SRARP: variants seen among roughly 807,000 people sequenced by gnomAD.
The protein encoded by SRARP is steroid receptor associated and regulated protein, also known as steroid receptor-associated and regulated protein.
A neutral mutation model predicts 3.6 loss-of-function variants in SRARP; 5 were observed. The ratio of observed to expected loss-of-function variants is 1.39; its 90% CI spans 0.73 to 2.93. The LOEUF (loss-of-function observed/expected upper bound fraction) is 2.93, where lower values mean the gene tolerates loss of function less well. Among genes scored for constraint, SRARP ranks in the 30% most tolerant of loss-of-function variants. The probability of loss-of-function intolerance (pLI) is 0.00; values close to 1 mark genes in which losing one functional copy is unlikely to be tolerated. For missense variants in SRARP, 215 were observed against 216.7 expected (o/e 0.99, Z 0.05); for synonymous variants, 96 against 91.6 (o/e 1.05, Z -0.27).
chr1:16,005,548 C>A (rs1276441996), intron 1 of SRARP, among the ~76,000 whole-genome samples: 2 of 152,180 alleles, frequency 1.3e-5, no homozygotes, highest in Non-Finnish European at 2.9e-5. Context: ...TCCAGTTGAA[C>A]CCTATCGAAT....
chr1:16,004,819 C>T (rs542195258), intron 1 of SRARP, among the ~76,000 whole-genome samples: 6 of 150,964 alleles, frequency 4.0e-5, no homozygotes, highest in African/African-American at 7.3e-5. Context: ...CAGCCAAGGG[C>T]GGGCTCGTTT....
At chr1:16,004,481 G>A (rs2073115813) in intron 1 of SRARP, 96 bp downstream of exon 1, 11 of 1,078,902 alleles carry the variant, frequency 1.0e-5, no homozygotes, top group South Asian at 7.1e-5. Context: ...TTGGGAGGCC[G>A]AAGCGGGCAG....
At position 16,006,356 on chromosome 1, in the gene SRARP, C is replaced by G. The variant is rs376515505; in HGVS notation, c.*10C>G. The G allele has an allele frequency of 1.9e-6, 3 of 1,568,730 alleles. No homozygotes were observed. The highest frequency in any genetic ancestry group is 2.8e-5 in the African/African-American group (2 of 71,430). ...TGGGCAGGCCGATTAGCTGGAAGGG[C>G]CGGGCTCTGATGCCCAGAGGCTGCA... On this transcript the variant is annotated 3_prime_UTR_variant, in exon 2 of 2. Transcript: ENST00000329454.
At position 16,006,540 on chromosome 1, in the gene SRARP, A is replaced by C; in HGVS notation, c.*194A>C. ...CATGAAGAGACTCATTCATTCATACAGCAAATATTACTGGTACATCTTCCA... is the reference window on the plus strand; with the variant it reads ...CATGAAGAGACTCATTCATTCATACCGCAAATATTACTGGTACATCTTCCA... On this transcript the variant is annotated 3_prime_UTR_variant, in exon 2 of 2. Transcript: ENST00000329454. 1 of 593,966 alleles carries C rather than the reference A, an allele frequency of 1.7e-6. No individual in the cohort carries two copies. 36.8% of individuals were successfully genotyped at this position (593,966 alleles called of 1,614,324 possible).
chr1:16,005,862 AG>A, intron 1 of SRARP, 56 bp from the exon 2 acceptor site: 1 of 1,456,582 alleles, frequency 6.9e-7, no homozygotes, highest in Non-Finnish European at 9.3e-7. Flanking sequence ...ACCCTGTCTC[AG>A]GGGAAAAGAA....
At chr1:16,005,464 A>C (rs774699535) in intron 1 of SRARP, among the ~76,000 whole-genome samples, 16 of 152,174 alleles carry the variant, frequency 1.1e-4, no homozygotes, top group Non-Finnish European at 2.1e-4. Context: ...TGGAGACTTG[A>C]ACTCAGGTCT....
Position 16,004,315 on chromosome 1 carries a change from A to G in SRARP, c.12A>G (p.Ser4=). 6.2e-7 allele frequency: 1 copy of G among 1,605,278 alleles called. No individual in the cohort carries two copies. The highest frequency in any genetic ancestry group is 8.5e-7 in the Non-Finnish European group (1 of 1,176,448). The stretch of plus-strand genomic sequence containing the variant: ...GCCGAAGTAGCCGCATGGCCCCGTC[A>G]GAAGACCCCAGGGACTGGAGAGCCA... The part of the protein sequence containing the change: MAP[S]EDPRDWRANL... Residue 4 remains serine, a synonymous_variant, in exon 1 of 2, where the codon TCA becomes TCG. Transcript: ENST00000329454.
intron 1 of SRARP, among the ~76,000 whole-genome samples, 199 bp downstream of exon 1, chr1:16,004,584 G>C (rs1364481463): frequency 1.3e-5 from 2 of 151,972 alleles, no homozygotes; most frequent in African/African-American, 2.4e-5. Context: ...TGTGGTGGCG[G>C]GTGCCTATAA....
chr1:16,006,552 T>G lies in SRARP; in HGVS notation c.*206T>G, dbSNP rs1451409108. On this transcript the variant is annotated 3_prime_UTR_variant, in exon 2 of 2. Transcript: ENST00000329454. ...CATTCATTCATACAGCAAATATTAC[T>G]GGTACATCTTCCACATGCCAGGCCC... 5.0e-5 allele frequency: 28 copies of G among 562,198 alleles called. No individual in the cohort carries two copies. The highest frequency in any genetic ancestry group is 4.0e-4 in the South Asian group (14 of 34,570). The allele number at this position is 562,198 out of a possible 1,614,324, so 34.8% of individuals were successfully genotyped here. A position where few individuals can be genotyped will look rare whatever the true frequency, so the allele number is the denominator to read the frequency against.
chr1:16,004,448 C>T (rs567759555), intron 1 of SRARP, 63 bp downstream of exon 1: 2 of 1,399,492 alleles, frequency 1.4e-6, no homozygotes, highest in Admixed American at 2.0e-5. Flanking sequence ...GGTGCGGTGC[C>T]TCATGCCTGT....
Position 16,004,384 on chromosome 1 carries a change from C to T in SRARP, c.81C>T (p.Ser27=), listed in dbSNP as rs143498880. The change falls in exon 1 of 2, where the codon TCC becomes TCT. Residue 27 remains serine, a splice_region_variant and synonymous_variant. Transcript: ENST00000329454. ...GTGAGACAGGCCTGGAGACCAGCTC[C>T]GGTAAGAGGCGGCAAAGGGACCCCA... The part of the protein sequence containing the change: ...TIRETGLETS[S]GGKLAGHQKT... 40 of 1,600,008 alleles carry T rather than the reference C, an allele frequency of 2.5e-5. No individual in the cohort carries two copies. The highest frequency in any genetic ancestry group is 3.1e-5 in the Non-Finnish European group (36 of 1,173,138).
rs945988537 is a variant in SRARP, at chr1:16,007,314, G to C, written c.*968G>C. The stretch of plus-strand genomic sequence containing the variant: ...CAGGGCAATCGTGTTCCCTGAGCAG[G>C]AGGTGGAGTTACTGGTGTGGGTGTG... On this transcript the variant is annotated 3_prime_UTR_variant, in exon 2 of 2. Transcript: ENST00000329454. 1 of 151,854 alleles carries C rather than the reference G, an allele frequency of 6.6e-6. No homozygotes were observed. Among genetic ancestry groups the C allele is most frequent in the Non-Finnish European group, 1.5e-5 (1 of 68,060 alleles). The allele number at this position is 151,854 out of a possible 1,614,324, so 9.4% of individuals were successfully genotyped here.
chr1:16,004,586 T>C (rs909606040), intron 1 of SRARP, among the ~76,000 whole-genome samples: 2 of 151,482 alleles, frequency 1.3e-5, no homozygotes, highest in Admixed American at 1.3e-4. Context: ...TGGTGGCGGG[T>C]GCCTATAATC....
In SRARP at chr1:16,006,426, T is replaced by C. The variant is rs779417174; in HGVS notation, c.*80T>C. ...GCTTCCCCAGCTAAGCAGGAGTCTT[T>C]TGTGCTTGAGCCAAGGAAACATCAT... On this transcript the variant is annotated 3_prime_UTR_variant, in exon 2 of 2. Coordinates refer to ENST00000329454, the MANE Select transcript of SRARP (RefSeq NM_178840.4). The C allele has an allele frequency of 4.2e-6, 6 of 1,412,830 alleles. No individual in the cohort carries two copies. Among genetic ancestry groups the C allele is most frequent in the Non-Finnish European group, 5.7e-6 (6 of 1,049,904 alleles). The allele number at this position is 1,412,830 out of a possible 1,614,324, so 87.5% of individuals were successfully genotyped here.
At chr1:16,004,899 G>T (rs766023735) in intron 1 of SRARP, among the ~76,000 whole-genome samples, 1 of 152,110 alleles carries the variant, frequency 6.6e-6, no homozygotes, top group Non-Finnish European at 1.5e-5. Context: ...TTCACAGCAC[G>T]TAGCTAAGAG....
intron 1 of SRARP, among the ~76,000 whole-genome samples, chr1:16,005,707 T>C (rs1189753216): frequency 6.6e-6 from 1 of 152,042 alleles, no homozygotes; most frequent in Non-Finnish European, 1.5e-5. Context: ...ACCTCATCTC[T>C]ACAAAAAATT....
At chr1:16,004,852 A>G (rs2073118386) in intron 1 of SRARP, among the ~76,000 whole-genome samples, 1 of 151,878 alleles carries the variant, frequency 6.6e-6, no homozygotes, top group Non-Finnish European at 1.5e-5. Flanking sequence ...TAGCCAACCT[A>G]CTAGAACATA....
intron 1 of SRARP, among the ~76,000 whole-genome samples, chr1:16,005,309 G>T (rs1332815078): frequency 2.0e-5 from 3 of 152,204 alleles, no homozygotes; most frequent in African/African-American, 7.2e-5. Context: ...TGTTAGAAAC[G>T]CGAGTCTCAG....
intron 1 of SRARP, among the ~76,000 whole-genome samples, chr1:16,005,343 C>T (rs1763614): frequency 0.91 from 139,214 of 152,192 alleles, 63,724 homozygotes; most frequent in East Asian, 1. Flanking sequence ...CCCACTGCAC[C>T]AGACTCTGCA....
Sources: allele counts gnomAD v4.1 joint callset (sites outside exome capture counted in the v4.1 genomes callset), GRCh38; gene constraint gnomAD v4.1.1; transcripts MANE v1.5; gene names NCBI Gene and HGNC (gene_info 2026-07-23, HGNC 2026-07-21).